The following GTF2A2 variants were observed in gnomAD, a reference collection of about 807,000 sequenced individuals.
GTF2A2 encodes transcription initiation factor IIA subunit 2.
Under a neutral mutation model 14.3 loss-of-function variants are expected in GTF2A2, and 9 were observed. That is an observed-to-expected ratio of 0.63 (90% CI 0.38 to 1.10). The LOEUF is 1.10. GTF2A2 is among the 50% of genes least tolerant of loss of function. The probability of loss-of-function intolerance (pLI) is 0.01; values close to 1 mark genes in which losing one functional copy is unlikely to be tolerated. For missense variants in GTF2A2, 90 were observed against 124.6 expected (o/e 0.72, Z 1.32); for synonymous variants, 56 against 46.0 (o/e 1.22, Z -0.88).
chr15:59,644,488 C>A (rs1211074128), intron 3 of GTF2A2, among the ~76,000 whole-genome samples: 1 of 152,186 alleles, frequency 6.6e-6, no homozygotes, highest in African/African-American at 2.4e-5. Flanking sequence ...GTGTGCTAGA[C>A]TATGCTGGCC....
chr15:59,657,017 A>G (rs1891965945), intron 1 of GTF2A2: 1 of 152,270 alleles, frequency 6.6e-6, no homozygotes. Flanking sequence ...GTTGGAAGGC[A>G]GACTTCAAAC....
chr15:59,641,410 A>C (rs1346215651), intron 4 of GTF2A2, among the ~76,000 whole-genome samples: 2 of 152,144 alleles, frequency 1.3e-5, no homozygotes, highest in Non-Finnish European at 2.9e-5. Flanking sequence ...TCCGACTCAA[A>C]CAGGGAAATG....
chr15:59,648,281 G>T (rs1022652283), intron 3 of GTF2A2, among the ~76,000 whole-genome samples: 2 of 151,318 alleles, frequency 1.3e-5, no homozygotes, highest in Admixed American at 6.6e-5. Context: ...TGTGGCGTGT[G>T]CCTGTAATCC....
intron 3 of GTF2A2, among the ~76,000 whole-genome samples, chr15:59,645,913 A>C (rs1891589916): frequency 6.6e-6 from 1 of 151,928 alleles, no homozygotes; most frequent in South Asian, 2.1e-4. Flanking sequence ...GGGTGCCTGT[A>C]ATCCCAGCTA....
Position 59,638,533 on chromosome 15 carries a change from C to T in GTF2A2, c.*599G>A, listed in dbSNP as rs1891260525. 1 of 152,162 alleles carries T rather than the reference C, an allele frequency of 6.6e-6. No individual in the cohort carries two copies. Among genetic ancestry groups the T allele is most frequent in the African/African-American group, 2.4e-5 (1 of 41,404 alleles). The allele number at this position is 152,162 out of a possible 1,614,324, so 9.4% of individuals were successfully genotyped here. ...TTTGTTTGGGTTTTTTTCCCCCTTC[C>T]TCATGTTACCTGGTCTAAGAAGGAA... On this transcript the variant is annotated 3_prime_UTR_variant, in exon 5 of 5. Transcript: ENST00000396060.
intron 3 of GTF2A2, among the ~76,000 whole-genome samples, chr15:59,643,468 C>T (rs1273424099): frequency 3.9e-5 from 6 of 152,038 alleles, no homozygotes; most frequent in Non-Finnish European, 7.4e-5. Context: ...CCTCCCGCCT[C>T]AGCCTCCCAA....
intron 3 of GTF2A2, among the ~76,000 whole-genome samples, chr15:59,642,537 T>G (rs1410145537): frequency 1.3e-5 from 2 of 152,242 alleles, no homozygotes; most frequent in African/African-American, 4.8e-5. Context: ...AACTTGCGTT[T>G]GTATTTCTAT....
chr15:59,654,241 C>G (rs1891878582), intron 1 of GTF2A2, among the ~76,000 whole-genome samples: 1 of 152,184 alleles, frequency 6.6e-6, no homozygotes, highest in Admixed American at 6.5e-5. Context: ...GCCTACTTCC[C>G]TATCTTCGCC....
chr15:59,647,689 C>T (rs1891650766), intron 3 of GTF2A2, among the ~76,000 whole-genome samples: 1 of 152,052 alleles, frequency 6.6e-6, no homozygotes. Context: ...AGCGATTCTC[C>T]CGCCTCAGCC....
chr15:59,654,803 A>G (rs1891894975), intron 1 of GTF2A2, among the ~76,000 whole-genome samples: 1 of 152,220 alleles, frequency 6.6e-6, no homozygotes. Context: ...CAGGTTGAAC[A>G]TTCCTTATCT....
At chr15:59,641,465 C>T (rs1285217178) in intron 4 of GTF2A2, among the ~76,000 whole-genome samples, 1 of 152,124 alleles carries the variant, frequency 6.6e-6, no homozygotes, top group Non-Finnish European at 1.5e-5. Flanking sequence ...TTTCAAAACT[C>T]CCTGTGTCAA....
intron 4 of GTF2A2, among the ~76,000 whole-genome samples, chr15:59,639,432 C>T (rs1278005764): frequency 1.3e-5 from 2 of 151,148 alleles, no homozygotes; most frequent in African/African-American, 4.9e-5. Context: ...TGTTACATAA[C>T]CTTTCTTCCC....
intron 3 of GTF2A2, among the ~76,000 whole-genome samples, chr15:59,643,496 C>T (rs1191627490): frequency 5.9e-5 from 9 of 151,562 alleles, no homozygotes; most frequent in South Asian, 2.1e-4. Context: ...AGATTACAGG[C>T]GTGAGCCACC....
At chr15:59,654,895 G>C (rs1179265260) in intron 1 of GTF2A2, among the ~76,000 whole-genome samples, 1 of 152,136 alleles carries the variant, frequency 6.6e-6, no homozygotes, top group Non-Finnish European at 1.5e-5. Context: ...CCAAATTCAA[G>C]CTCTGAAATG....
rs762996422 is a variant in GTF2A2, at chr15:59,639,177, G to C, written c.305-20C>G. 8.3e-7 allele frequency: 1 copy of C among 1,209,816 alleles called. No individual in the cohort carries two copies. Among genetic ancestry groups the C allele is most frequent in the South Asian group, 1.9e-5 (1 of 52,884 alleles). The allele number at this position is 1,209,816 out of a possible 1,614,324, so 74.9% of individuals were successfully genotyped here. A position where few individuals can be genotyped will look rare whatever the true frequency, so the allele number is the denominator to read the frequency against. On this transcript the variant is annotated intron_variant, in intron 4 of 4. Transcript: ENST00000396060. ...CAGTATCTAGGAAACAAAAGAGAAA[G>C]TAAAGTAAAGTAAATTCAAGGAGCA...
chr15:59,647,228 G>A (rs1172524737), intron 3 of GTF2A2, among the ~76,000 whole-genome samples: 2 of 152,032 alleles, frequency 1.3e-5, no homozygotes, highest in African/African-American at 2.4e-5. Flanking sequence ...CAGCAGCTGG[G>A]ACTATGGGCA....
At chr15:59,640,862 T>TAA (rs1891394950) in intron 4 of GTF2A2, among the ~76,000 whole-genome samples, 1 of 3,616 alleles carries the variant, frequency 2.8e-4, no homozygotes, top group Admixed American at 5.4e-3. Flanking sequence ...ATATTGTTCC[T>TAA]TGCTGTAATG....
At chr15:59,650,832 T>A in intron 2 of GTF2A2, 59 bp from the exon 3 acceptor site, 1 of 901,968 alleles carries the variant, frequency 1.1e-6, no homozygotes, top group Non-Finnish European at 1.8e-6. Flanking sequence ...ACAAAGTAAA[T>A]AAAAATATAC....
chr15:59,648,227 T>A (rs923371736), intron 3 of GTF2A2, among the ~76,000 whole-genome samples: 20 of 151,602 alleles, frequency 1.3e-4, no homozygotes, highest in African/African-American at 4.8e-4. Flanking sequence ...GCCAACATAG[T>A]GAAATCCCAT....
Sources: allele counts gnomAD v4.1 joint callset (sites outside exome capture counted in the v4.1 genomes callset), GRCh38; gene constraint gnomAD v4.1.1; transcripts MANE v1.5; gene names NCBI Gene and HGNC (gene_info 2026-07-23, HGNC 2026-07-21).